CD5: variants seen among roughly 807,000 people sequenced by gnomAD.
The protein encoded by CD5 is T-cell surface glycoprotein CD5.
In CD5, 36 loss-of-function variants were observed where a neutral mutation model predicts 60.3. The ratio of observed to expected loss-of-function variants is 0.60; its 90% CI spans 0.46 to 0.79. The LOEUF (loss-of-function observed/expected upper bound fraction) is 0.79, where lower values mean the gene tolerates loss of function less well. CD5 is among the 30% of genes least tolerant of loss of function. The pLI, the probability that CD5 is intolerant of heterozygous loss-of-function variation, is 0.00. For synonymous variants in CD5, 230 were observed against 257.6 expected (o/e 0.89, Z 1.03); for missense variants, 540 against 630.6 (o/e 0.86, Z 1.54).
At chr11:61,122,766 T>C in intron 6 of CD5, 141 bp from the exon 7 acceptor site, 2 of 880,346 alleles carry the variant, frequency 2.3e-6, no homozygotes, top group South Asian at 3.9e-5. Flanking sequence ...GATAGCCAAA[T>C]AGATCATTGC....
chr11:61,096,269 A>C, the CD5 span, among the ~76,000 whole-genome samples: 5 of 152,280 alleles, frequency 3.3e-5, no homozygotes, highest in Non-Finnish European at 5.9e-5. Flanking sequence ...AAGGTGATTC[A>C]GAACAAAAGA....
At chr11:61,113,311 C>T (rs951557248) in intron 1 of CD5, among the ~76,000 whole-genome samples, 1 of 152,340 alleles carries the variant, frequency 6.6e-6, no homozygotes, top group South Asian at 2.1e-4. Flanking sequence ...TCGTCCCCAC[C>T]CAAATTAAAC....
At chr11:61,112,913 A>G (rs1860878959) in intron 1 of CD5, among the ~76,000 whole-genome samples, 1 of 152,210 alleles carries the variant, frequency 6.6e-6, no homozygotes, top group Non-Finnish European at 1.5e-5. Flanking sequence ...CAGCTTGAGA[A>G]CACTCAAGCA....
chr11:61,115,042 T>C lies in CD5; in HGVS notation c.56-14T>C. On this transcript the variant is annotated splice_polypyrimidine_tract_variant and intron_variant, in intron 1 of 10. Transcript: ENST00000347785. ...GAGGTTTCACTTCCTGACCCTCCTC[T>C]CTTCTTTCTGCAGTCGCTTCCTGCC... is the stretch of plus-strand genomic sequence containing the variant. 1.9e-6 allele frequency: 3 copies of C among 1,554,772 alleles called. No individual in the cohort carries two copies. The highest frequency in any genetic ancestry group is 2.6e-6 in the Non-Finnish European group (3 of 1,148,296).
chr11:61,112,504 C>T (rs1167304156), intron 1 of CD5, among the ~76,000 whole-genome samples: 1 of 152,016 alleles, frequency 6.6e-6, no homozygotes, highest in Non-Finnish European at 1.5e-5. Flanking sequence ...ATTAGTCGGG[C>T]GTGGTGGTGC....
intron 1 of CD5, among the ~76,000 whole-genome samples, chr11:61,108,285 T>C (rs766606270): frequency 4.7e-4 from 72 of 152,272 alleles, no homozygotes; most frequent in Admixed American, 9.8e-4. Context: ...GAAATAACAA[T>C]TCAAACAGCA....
At chr11:61,123,459 A>G (rs764632289) in intron 7 of CD5, among the ~76,000 whole-genome samples, 4 of 152,132 alleles carry the variant, frequency 2.6e-5, no homozygotes, top group African/African-American at 9.7e-5. Flanking sequence ...CAAATGGGCA[A>G]TCGCACACCT....
intron 1 of CD5, among the ~76,000 whole-genome samples, chr11:61,109,948 C>G (rs914898396): frequency 1.3e-5 from 2 of 152,048 alleles, no homozygotes; most frequent in Admixed American, 1.3e-4. Flanking sequence ...TCGGGGGCCT[C>G]CTGGTCTGGA....
intron 8 of CD5, 44 bp from the exon 9 acceptor site, chr11:61,124,988 G>A (rs1306362331): frequency 6.2e-7 from 1 of 1,612,632 alleles, no homozygotes. Flanking sequence ...AGGAGACGGA[G>A]GACACAGCCA....
chr11:61,122,411 A>G (rs1180748957), intron 6 of CD5, among the ~76,000 whole-genome samples: 3 of 61,032 alleles, frequency 4.9e-5, no homozygotes, highest in African/African-American at 1.8e-4. Flanking sequence ...GGATGGATGG[A>G]TGGATGGATC....
At chr11:61,115,218 A>G (rs1860921326) in intron 2 of CD5, 124 bp downstream of exon 2, 1 of 819,294 alleles carries the variant, frequency 1.2e-6, no homozygotes, top group Non-Finnish European at 1.9e-6. Flanking sequence ...CACCCTATAG[A>G]GAGAGTGAAC....
At chr11:61,116,691 CATACACACCACACACACCACATGCACACT>C (rs201527702) in intron 2 of CD5, among the ~76,000 whole-genome samples, 45,413 of 127,102 alleles carry the variant, frequency 0.36, 9,067 homozygotes, top group East Asian at 0.87. Context: ...ACACACACCA[CATACACACCACACACACCACATGCACACT>C]ATACACACCA....
At chr11:61,123,706 G>C (rs1861102960) in intron 7 of CD5, among the ~76,000 whole-genome samples, 178 bp from the exon 8 acceptor site, 1 of 151,996 alleles carries the variant, frequency 6.6e-6, no homozygotes, top group African/African-American at 2.4e-5. Flanking sequence ...CCCTTCCCGA[G>C]CAAGTTAGGA....
chr11:61,125,271 T>G (rs909685736), intron 9 of CD5, 120 bp downstream of exon 9: 3 of 1,096,542 alleles, frequency 2.7e-6, no homozygotes, highest in Non-Finnish European at 4.0e-6. Context: ...GACCCCAGGG[T>G]GCAAGGGGAT....
chr11:61,100,443 A>AT (rs1197361671), upstream of CD5, among the ~76,000 whole-genome samples: 2 of 146,210 alleles, frequency 1.4e-5, no homozygotes, highest in African/African-American at 2.5e-5. Flanking sequence ...TCACACACAC[A>AT]CAACATGGAG....
intron 8 of CD5, 113 bp downstream of exon 8, chr11:61,124,050 G>A: frequency 1.2e-6 from 1 of 813,612 alleles, no homozygotes. Context: ...TGAAGCCTCT[G>A]ATCTCCACGG....
chr11:61,110,866 AGTGATGGTGATGATGATGGTGACG>A (rs1475082607), intron 1 of CD5, among the ~76,000 whole-genome samples: 2 of 152,068 alleles, frequency 1.3e-5, no homozygotes, highest in East Asian at 1.9e-4. Flanking sequence ...TGATGGTGAC[AGTGATGGTGATGATGATGGTGACG>A]GTGATGGTGA....
intron 1 of CD5, 126 bp from the exon 2 acceptor site, chr11:61,114,930 T>C (rs1860916478): frequency 2.5e-6 from 2 of 807,512 alleles, no homozygotes; most frequent in Non-Finnish European, 3.9e-6. Context: ...TTCCTGTCCC[T>C]AAAACCCATG....
Position 61,122,992 on chromosome 11 carries a change from C to T in CD5, c.1185C>T (p.Val395=), listed in dbSNP as rs35740410. 1,557 of 1,613,960 alleles carry T rather than the reference C, an allele frequency of 9.6e-4. 11 individuals carry two copies. The African/African-American group carries it at 0.019, about 19-fold the overall frequency. The stretch of plus-strand genomic sequence containing the variant: ...TGGTGCTCCTGGTGGTGCTGCTGGT[C>T]GTGTGCGGCCCCCTTGCCTACAAGA... ...LALVLLVVLL[V]VCGPLAYKKL... is the part of the protein sequence containing the mutation. Residue 395 remains valine (V), a synonymous_variant, in exon 7 of 11, where the codon GTC becomes GTT. Coordinates refer to ENST00000347785, the MANE Select transcript of CD5 (RefSeq NM_014207.4).
Sources: allele counts gnomAD v4.1 joint callset (sites outside exome capture counted in the v4.1 genomes callset), GRCh38; gene constraint gnomAD v4.1.1; transcripts MANE v1.5; gene names NCBI Gene and HGNC (gene_info 2026-07-23, HGNC 2026-07-21).